Variants in PARD3 observed in about 807,000 individuals in gnomAD.
PARD3 encodes the protein partitioning defective 3 homolog.
In PARD3, 75 loss-of-function variants were observed where a neutral mutation model predicts 155.4. That is an observed-to-expected ratio of 0.48 (90% confidence interval 0.40 to 0.58). PARD3 has a LOEUF of 0.58. Among genes scored for constraint, PARD3 ranks in the 20% least tolerant of loss-of-function variants. The pLI is 0.00. For missense variants in PARD3, 1,642 were observed against 1,721.7 expected (o/e 0.95, Z 0.82); for synonymous variants, 576 against 610.5 (o/e 0.94, Z 0.83).
intron 1 of PARD3, among the ~76,000 whole-genome samples, chr10:34,782,075 A>G (rs1840298337): frequency 6.6e-6 from 1 of 152,144 alleles, no homozygotes; most frequent in South Asian, 2.1e-4. Flanking sequence ...AGAGTAAGGA[A>G]GTGCACTTTG....
In PARD3 at chr10:34,651,740, G is replaced by A. The variant is rs150096919; in HGVS notation, c.222+44578C>T. ...GACCCATTTCATCATGGATAACAAG[G>A]AATTTTCTGTTTTTGGTAGAACAAA... On this transcript the variant is annotated intron_variant, in intron 2 of 24. Transcript: ENST00000374788. 1.2e-4 allele frequency among the ~76,000 whole-genome samples: 19 copies of A among 152,268 alleles called. No individual in the cohort carries two copies. The East Asian group carries it at 3.5e-3, about 28-fold the overall frequency.
chr10:34,318,014 C>A (rs940933781), intron 19 of PARD3, among the ~76,000 whole-genome samples: 3 of 152,190 alleles, frequency 2.0e-5, no homozygotes, highest in African/African-American at 7.2e-5. Context: ...GGCGGCTGAA[C>A]AGAGGTAGAG....
At chr10:34,486,708 T>C (rs2079496264) in intron 3 of PARD3, among the ~76,000 whole-genome samples, 1 of 152,202 alleles carries the variant, frequency 6.6e-6, no homozygotes, top group South Asian at 2.1e-4. Context: ...TCAGTAGGTC[T>C]GGAATGGGTA....
intron 5 of PARD3, among the ~76,000 whole-genome samples, chr10:34,440,409 C>T (rs1285208082): frequency 6.6e-6 from 1 of 152,110 alleles, no homozygotes; most frequent in South Asian, 2.1e-4. Flanking sequence ...CTTCCATTGT[C>T]GTATTTAATC....
chr10:34,316,891 TTTTA>T (rs370694797), intron 20 of PARD3, among the ~76,000 whole-genome samples: 10 of 152,086 alleles, frequency 6.6e-5, no homozygotes, highest in Non-Finnish European at 1.0e-4. Context: ...CTTTCAGTGC[TTTTA>T]TTTATTTATT....
At chr10:34,649,434 A>T (rs1435002541) in intron 2 of PARD3, among the ~76,000 whole-genome samples, 1 of 152,248 alleles carries the variant, frequency 6.6e-6, no homozygotes, top group Non-Finnish European at 1.5e-5. Context: ...AACCTGTACA[A>T]CGTGTTATTG....
At chr10:34,414,954 C>T (rs1845521058) in intron 5 of PARD3, among the ~76,000 whole-genome samples, 2 of 152,024 alleles carry the variant, frequency 1.3e-5, no homozygotes, top group Admixed American at 1.3e-4. Context: ...GGTGGGCAGA[C>T]CAGACAAGCA....
intron 2 of PARD3, among the ~76,000 whole-genome samples, chr10:34,544,610 A>G (rs2083899683): frequency 6.6e-6 from 1 of 152,210 alleles, no homozygotes; most frequent in Non-Finnish European, 1.5e-5. Flanking sequence ...GTAAATATTC[A>G]GGCCCCATCA....
intron 2 of PARD3, among the ~76,000 whole-genome samples, chr10:34,680,367 T>A (rs1590609418): frequency 6.6e-6 from 1 of 152,156 alleles, no homozygotes; most frequent in East Asian, 1.9e-4. Flanking sequence ...GAGACCAGCC[T>A]GGAACACATG....
At chr10:34,394,593 T>G (rs1302353536) in intron 7 of PARD3, among the ~76,000 whole-genome samples, 1 of 152,208 alleles carries the variant, frequency 6.6e-6, no homozygotes. Context: ...CCAAAAGTAC[T>G]GGGATTACAT....
intron 20 of PARD3, among the ~76,000 whole-genome samples, chr10:34,290,829 C>G (rs1382799940): frequency 6.6e-6 from 1 of 152,204 alleles, no homozygotes; most frequent in Non-Finnish European, 1.5e-5. Context: ...GAGATACCAG[C>G]TGCCCAATGA....
intron 21 of PARD3, among the ~76,000 whole-genome samples, chr10:34,271,763 A>T (rs1482737854): frequency 2.0e-5 from 3 of 152,234 alleles, no homozygotes; most frequent in Non-Finnish European, 4.4e-5. Context: ...TCTTACTTGC[A>T]AATGACATGA....
chr10:34,292,164 T>C (rs1204113439), intron 20 of PARD3, among the ~76,000 whole-genome samples: 1 of 152,140 alleles, frequency 6.6e-6, no homozygotes, highest in African/African-American at 2.4e-5. Flanking sequence ...CCAAACCCAT[T>C]CAGAGGGTAA....
intron 2 of PARD3, among the ~76,000 whole-genome samples, chr10:34,580,208 C>A (rs1201099245): frequency 6.6e-6 from 1 of 152,138 alleles, no homozygotes; most frequent in Non-Finnish European, 1.5e-5. Flanking sequence ...AGCCACTGTG[C>A]CCAGCCAGAA....
chr10:34,226,700 A>G (rs1440632885), intron 22 of PARD3, among the ~76,000 whole-genome samples: 2 of 152,248 alleles, frequency 1.3e-5, no homozygotes, highest in Non-Finnish European at 2.9e-5. Flanking sequence ...CTTAGCAAAT[A>G]ACTCTGCAAT....
intron 1 of PARD3, among the ~76,000 whole-genome samples, chr10:34,739,812 T>C (rs2094976295): frequency 6.6e-6 from 1 of 152,222 alleles, no homozygotes; most frequent in Non-Finnish European, 1.5e-5. Context: ...TCTTAAATCC[T>C]GTGCAAGATT....
intron 2 of PARD3, among the ~76,000 whole-genome samples, chr10:34,682,537 A>C (rs909240544): frequency 2.0e-5 from 3 of 152,210 alleles, no homozygotes; most frequent in African/African-American, 7.2e-5. Context: ...TATCTAGGAT[A>C]GCCTGGTTTG....
At chr10:34,441,210 C>A (rs556443315) in intron 5 of PARD3, among the ~76,000 whole-genome samples, 16 of 151,924 alleles carry the variant, frequency 1.1e-4, no homozygotes, top group Non-Finnish European at 2.1e-4. Context: ...AACGAGATAC[C>A]CAATACTTGA....
intron 22 of PARD3, among the ~76,000 whole-genome samples, chr10:34,146,590 G>A (rs1283959399): frequency 1.3e-5 from 2 of 152,318 alleles, no homozygotes; most frequent in Non-Finnish European, 2.9e-5. Flanking sequence ...GACATGTGAT[G>A]AAAATCACAG....
Sources: allele counts gnomAD v4.1 joint callset (sites outside exome capture counted in the v4.1 genomes callset), GRCh38; gene constraint gnomAD v4.1.1; transcripts MANE v1.5; gene names NCBI Gene and HGNC (gene_info 2026-07-23, HGNC 2026-07-21).